NAV3: variants seen among roughly 807,000 people sequenced by gnomAD.
NAV3 encodes pore membrane and/or filament interacting like protein 1.
Under a neutral mutation model 244.7 loss-of-function variants are expected in NAV3, and 87 were observed. The ratio of observed to expected loss-of-function variants is 0.36; its 90% CI spans 0.30 to 0.42. The LOEUF (loss-of-function observed/expected upper bound fraction) is 0.42, where lower values mean the gene tolerates loss of function less well. NAV3 is among the 20% of genes least tolerant of loss of function. The probability of loss-of-function intolerance (pLI) is 1.00; values close to 1 mark genes in which losing one functional copy is unlikely to be tolerated. For synonymous variants in NAV3, 1,126 were observed against 1,042.2 expected (o/e 1.08, Z -1.55); for missense variants, 2,663 against 2,893.3 (o/e 0.92, Z 1.83).
At chr12:77,716,044 A>G (rs190164923) in intron 2 of NAV3, among the ~76,000 whole-genome samples, 479 of 152,194 alleles carry the variant, frequency 3.1e-3, no homozygotes, top group South Asian at 4.3e-3. Context: ...TAGATTTACA[A>G]TTGTGCAAAA....
chr12:78,057,120 A>T (rs1883624045), intron 11 of NAV3, among the ~76,000 whole-genome samples: 1 of 152,170 alleles, frequency 6.6e-6, no homozygotes, highest in Non-Finnish European at 1.5e-5. Context: ...CTCATAATGA[A>T]CCTCTTTGAA....
chr12:77,746,004 A>AAG (rs1868521800), intron 2 of NAV3, among the ~76,000 whole-genome samples: 1 of 151,616 alleles, frequency 6.6e-6, no homozygotes, highest in South Asian at 2.1e-4. Context: ...AAAAAAAAAA[A>AAG]AAGGAACATG....
At chr12:78,169,662 A>G (rs552738731) in intron 24 of NAV3, among the ~76,000 whole-genome samples, 2 of 151,834 alleles carry the variant, frequency 1.3e-5, no homozygotes, top group African/African-American at 4.8e-5. Flanking sequence ...AAATTTTATG[A>G]AGTCTTTCAA....
At chr12:77,685,845 A>G (rs991753943) in intron 2 of NAV3, among the ~76,000 whole-genome samples, 2 of 152,250 alleles carry the variant, frequency 1.3e-5, no homozygotes, top group Non-Finnish European at 2.9e-5. Context: ...TTTAAACACA[A>G]TGAATACATT....
At chr12:77,860,428 C>G (rs11107048) in intron 1 of NAV3, among the ~76,000 whole-genome samples, 67,841 of 150,536 alleles carry the variant, frequency 0.45, 15,763 homozygotes, top group Non-Finnish European at 0.51. Context: ...TATTCACTTT[C>G]TATTGTTTTA....
At chr12:77,865,271 C>T (rs560562998) in intron 1 of NAV3, among the ~76,000 whole-genome samples, 17 of 151,836 alleles carry the variant, frequency 1.1e-4, no homozygotes, top group South Asian at 8.3e-4. Context: ...TACTTTAAAG[C>T]GAGAGAAAAG....
At chr12:77,716,480 T>C (rs531889309) in intron 2 of NAV3, among the ~76,000 whole-genome samples, 19 of 152,084 alleles carry the variant, frequency 1.2e-4, no homozygotes, top group Admixed American at 1.1e-3. Flanking sequence ...TAATTTCATG[T>C]TTTATGAAAA....
chr12:77,964,519 A>G (rs1037969078), intron 3 of NAV3, among the ~76,000 whole-genome samples: 1 of 152,220 alleles, frequency 6.6e-6, no homozygotes, highest in African/African-American at 2.4e-5. Context: ...TACATTTACA[A>G]GAATACTGTG....
chr12:77,948,516 A>C (rs1296878417), intron 3 of NAV3, among the ~76,000 whole-genome samples: 1 of 151,906 alleles, frequency 6.6e-6, no homozygotes, highest in African/African-American at 2.4e-5. Context: ...TTTGTACTTA[A>C]AATGCTACAA....
chr12:77,646,287 C>G (rs1447444624), intron 2 of NAV3, among the ~76,000 whole-genome samples: 4 of 152,118 alleles, frequency 2.6e-5, no homozygotes. Context: ...ATTTCTAAAG[C>G]ACGCTATATA....
chr12:77,772,672 G>T (rs1870153619), intron 2 of NAV3, among the ~76,000 whole-genome samples: 1 of 152,064 alleles, frequency 6.6e-6, no homozygotes, highest in South Asian at 2.1e-4. Context: ...GGTTTGAGAG[G>T]TTCTATTTCT....
chr12:78,183,863 TC>T (rs910733728), intron 30 of NAV3, among the ~76,000 whole-genome samples: 9 of 151,986 alleles, frequency 5.9e-5, no homozygotes, highest in African/African-American at 1.9e-4. Flanking sequence ...CTCCTCACCC[TC>T]CCCTTGTCTC....
In NAV3 at chr12:78,001,663, A is replaced by G. The variant is rs192020958; in HGVS notation, c.880+3187A>G. Among the ~76,000 whole-genome samples, 166 of 152,324 alleles carry G rather than the reference A, an allele frequency of 1.1e-3. 2 individuals are homozygous for G. The East Asian group carries it at 0.026, about 24-fold the overall frequency. On this transcript the variant is annotated intron_variant, in intron 7 of 39. Transcript: ENST00000397909. Reference sequence around the variant, plus strand: ...CATTTTAATAATGAAATTTGAAAAAATAGTGTGCTCGTTTTACAGTCTCAT... The same window carrying G: ...CATTTTAATAATGAAATTTGAAAAAGTAGTGTGCTCGTTTTACAGTCTCAT...
intron 9 of NAV3, among the ~76,000 whole-genome samples, chr12:78,022,555 A>G (rs1877336213): frequency 6.6e-6 from 1 of 152,142 alleles, no homozygotes; most frequent in Admixed American, 6.6e-5. Flanking sequence ...TAAGTATAAT[A>G]ATGCATGAAA....
chr12:77,605,428 G>T (rs1359297071), intron 2 of NAV3, among the ~76,000 whole-genome samples: 1 of 152,086 alleles, frequency 6.6e-6, no homozygotes, highest in Non-Finnish European at 1.5e-5. Context: ...ATGACTAAAA[G>T]TTGGGGAACA....
In NAV3 at chr12:78,006,915, A is replaced by G. The variant is rs1275677024; in HGVS notation, c.1377A>G (p.Lys459=). The change falls in exon 8 of 40, where the codon AAA becomes AAG. Residue 459 remains lysine (K), a synonymous_variant. Coordinates refer to ENST00000397909, the MANE Select transcript of NAV3 (RefSeq NM_001024383.2). ...PKAGSKNLSN[K]KSLLQPKEKE... ...CTGGAAGCAAAAATCTCAGCAATAAAAAGTCTTTGCTACAGCCAAAGGAAA... is the reference window on the plus strand; with the variant it reads ...CTGGAAGCAAAAATCTCAGCAATAAGAAGTCTTTGCTACAGCCAAAGGAAA... 6.2e-7 allele frequency: 1 copy of G among 1,614,054 alleles called. No individual in the cohort carries two copies. The highest frequency in any genetic ancestry group is 8.5e-7 in the Non-Finnish European group (1 of 1,180,008).
At chr12:77,827,260 A>AAAAC (rs1474559232), upstream of NAV3, among the ~76,000 whole-genome samples, 5 of 134,292 alleles carry the variant, frequency 3.7e-5, 1 homozygote, top group Non-Finnish European at 6.4e-5. Context: ...AAAAAAAAAA[A>AAAAC]AGTAATGTGG....
chr12:78,042,601 T>A (rs1593365169), intron 9 of NAV3, among the ~76,000 whole-genome samples: 2 of 151,630 alleles, frequency 1.3e-5, no homozygotes, highest in East Asian at 3.9e-4. Flanking sequence ...AAGAGCATTA[T>A]GACCAACATG....
chr12:77,934,833 T>C (rs1889172720), intron 1 of NAV3, among the ~76,000 whole-genome samples: 1 of 152,192 alleles, frequency 6.6e-6, no homozygotes, highest in Non-Finnish European at 1.5e-5. Context: ...AAAACAATAA[T>C]GTTTTAAATA....
Sources: gnomAD v4.1 joint callset for allele counts (sites outside exome capture counted in the v4.1 genomes callset) on GRCh38, gnomAD v4.1.1 for gene constraint, MANE v1.5 for transcripts, NCBI Gene and HGNC (gene_info 2026-07-23, HGNC 2026-07-21) for gene names.